The following SCP2 variants were observed in gnomAD, a reference collection of about 807,000 sequenced individuals.
SCP2 encodes sterol carrier protein 2, also known as SCP-2/3-oxoacyl-CoA thiolase.
In SCP2, 48 loss-of-function variants were observed where a neutral mutation model predicts 71.4. The ratio of observed to expected loss-of-function variants is 0.67; its 90% CI spans 0.53 to 0.86. The LOEUF (loss-of-function observed/expected upper bound fraction) is 0.86, where lower values mean the gene tolerates loss of function less well. Among genes scored for constraint, SCP2 ranks in the 40% least tolerant of loss-of-function variants. The pLI is 0.00. For synonymous variants in SCP2, 220 were observed against 218.1 expected (o/e 1.01, Z -0.08); for missense variants, 560 against 655.6 (o/e 0.85, Z 1.59).
Position 52,947,960 on chromosome 1 carries a change from A to G in SCP2, c.128-49A>G. 3 of 1,315,140 alleles carry G rather than the reference A, an allele frequency of 2.3e-6. No individual in the cohort carries two copies. The South Asian group carries it at 3.5e-5, about 15-fold the overall frequency. The allele number at this position is 1,315,140 out of a possible 1,614,324, so 81.5% of individuals were successfully genotyped here. ...CTCTAAACTTAATTTTCACTCTCCT[A>G]AAACAAATACTTAAAGCACTTTTTG... On this transcript the variant is annotated intron_variant, in intron 2 of 15. Transcript: ENST00000371514.
At chr1:52,950,074 T>C (rs1655151524) in intron 3 of SCP2, among the ~76,000 whole-genome samples, 1 of 152,166 alleles carries the variant, frequency 6.6e-6, no homozygotes, top group Non-Finnish European at 1.5e-5. Flanking sequence ...GAAAAGTAAA[T>C]CATGGCCTTT....
Position 52,978,667 on chromosome 1 carries a change from A to G in SCP2, c.825+300A>G, listed in dbSNP as rs115864035. ...AGCTTCCACATCCCAGGCTCAATCAATCCTCCCACTTCAGCCTCCCAAGTG... is the reference window on the plus strand; with the variant it reads ...AGCTTCCACATCCCAGGCTCAATCAGTCCTCCCACTTCAGCCTCCCAAGTG... On this transcript the variant is annotated intron_variant, in intron 9 of 15. Coordinates refer to ENST00000371514, the MANE Select transcript of SCP2 (RefSeq NM_002979.5). Among the ~76,000 whole-genome samples the G allele has an allele frequency of 5.6e-3, 855 of 152,198 alleles. 3 individuals carry two copies. The highest frequency in any genetic ancestry group is 7.6e-3 in the Non-Finnish European group (518 of 68,016).
chr1:52,982,759 A>C (rs12568646), intron 10 of SCP2, among the ~76,000 whole-genome samples: 1 of 152,018 alleles, frequency 6.6e-6, no homozygotes, highest in Admixed American at 6.5e-5. Flanking sequence ...TATAATTGTC[A>C]TATGTGTTAT....
At position 52,960,391 on chromosome 1, in the gene SCP2, G is replaced by A. The variant is rs185664326; in HGVS notation, c.397-1112G>A. Among the ~76,000 whole-genome samples the A allele has an allele frequency of 1.2e-3, 187 of 151,338 alleles. 1 individual carries two copies. Among genetic ancestry groups the A allele is most frequent in the African/African-American group, 4.0e-3 (166 of 41,226 alleles). On this transcript the variant is annotated intron_variant, in intron 5 of 15. Coordinates refer to ENST00000371514, the MANE Select transcript of SCP2 (RefSeq NM_002979.5). ...TTGCTATGTTGCCCATGCTGGTCTC[G>A]AACTCCTGGGCTCAGGTGGGCCTTC... is the stretch of plus-strand genomic sequence containing the variant.
At chr1:52,986,225 T>C (rs1367954312) in intron 10 of SCP2, among the ~76,000 whole-genome samples, 1 of 152,240 alleles carries the variant, frequency 6.6e-6, no homozygotes, top group Non-Finnish European at 1.5e-5. Flanking sequence ...TCAAGATAAC[T>C]TCCCTTTGGA....
intron 2 of SCP2, among the ~76,000 whole-genome samples, chr1:52,945,335 G>A (rs1271427973): frequency 1.3e-5 from 2 of 151,910 alleles, no homozygotes; most frequent in Admixed American, 6.6e-5. Flanking sequence ...ACAGGTACTC[G>A]CCACTGTGCA....
chr1:53,000,189 G>A (rs555482970), intron 11 of SCP2, among the ~76,000 whole-genome samples: 1 of 150,210 alleles, frequency 6.7e-6, no homozygotes, highest in African/African-American at 2.5e-5. Context: ...CAAGGCAGGA[G>A]GATAGCTTGA....
intron 13 of SCP2, among the ~76,000 whole-genome samples, chr1:53,030,150 A>G (rs1572211354): frequency 6.6e-6 from 1 of 152,240 alleles, no homozygotes; most frequent in East Asian, 1.9e-4. Context: ...GGCCTCCCAA[A>G]GTGCTGGGAT....
intron 13 of SCP2, among the ~76,000 whole-genome samples, chr1:53,032,669 T>C (rs1662636710): frequency 6.6e-6 from 1 of 152,192 alleles, no homozygotes; most frequent in Non-Finnish European, 1.5e-5. Flanking sequence ...TAGGATAATA[T>C]GTAAAGACAG....
intron 13 of SCP2, among the ~76,000 whole-genome samples, chr1:53,038,648 C>T (rs941201879): frequency 6.6e-6 from 1 of 151,974 alleles, no homozygotes; most frequent in Non-Finnish European, 1.5e-5. Flanking sequence ...CAAGTGATCC[C>T]CCCACCTCTG....
intron 1 of SCP2, among the ~76,000 whole-genome samples, chr1:52,927,913 G>A (rs1295882759): frequency 6.6e-6 from 1 of 152,034 alleles, no homozygotes; most frequent in East Asian, 1.9e-4. Flanking sequence ...GGCAGATTCC[G>A]GCCTCCCTCT....
chr1:52,989,975 T>C (rs902484239), intron 11 of SCP2, among the ~76,000 whole-genome samples: 1 of 152,090 alleles, frequency 6.6e-6, no homozygotes, highest in Non-Finnish European at 1.5e-5. Context: ...AAGGCTAAGG[T>C]AGAATTGTAA....
chr1:52,999,161 T>C (rs1283505436), intron 11 of SCP2, among the ~76,000 whole-genome samples: 4 of 152,254 alleles, frequency 2.6e-5, no homozygotes, highest in African/African-American at 4.8e-5. Context: ...TATTGAAAAG[T>C]AAATGTTTCC....
At chr1:52,989,199 T>G (rs975977156) in intron 11 of SCP2, among the ~76,000 whole-genome samples, 1 of 152,186 alleles carries the variant, frequency 6.6e-6, no homozygotes, top group East Asian at 1.9e-4. Flanking sequence ...TTCAAAGAAA[T>G]CTAAGAATTA....
At chr1:53,033,604 CAAAAA>C (rs59576285) in intron 13 of SCP2, among the ~76,000 whole-genome samples, 10 of 79,708 alleles carry the variant, frequency 1.3e-4, no homozygotes, top group Admixed American at 7.2e-4. Flanking sequence ...AACTCCATTT[CAAAAA>C]AAAAAAAAAA....
chr1:53,041,428 A>G (rs1350052845), intron 14 of SCP2, among the ~76,000 whole-genome samples: 1 of 152,044 alleles, frequency 6.6e-6, no homozygotes, highest in Non-Finnish European at 1.5e-5. Context: ...ATGACATGAT[A>G]GGAACTTTGA....
At position 52,967,583 on chromosome 1, in the gene SCP2, A is replaced by G. The variant is rs375998530; in HGVS notation, c.523+5954A>G. Among the ~76,000 whole-genome samples, 57 of 152,158 alleles carry G rather than the reference A, an allele frequency of 3.7e-4. No individual in the cohort carries two copies. In the South Asian group the frequency reaches 7.9e-3, roughly 21 times the overall value. Reference sequence around the variant, plus strand: ...AGTGGCACTATCTTGGCTCACTGCAACCTCCACTGTTGCTGTCAATTGCTA... The same window carrying G: ...AGTGGCACTATCTTGGCTCACTGCAGCCTCCACTGTTGCTGTCAATTGCTA... On this transcript the variant is annotated intron_variant, in intron 6 of 15. Transcript: ENST00000371514.
chr1:52,948,624 CAA>C (rs567151231), intron 3 of SCP2, among the ~76,000 whole-genome samples: 26 of 49,556 alleles, frequency 5.2e-4, no homozygotes, highest in Admixed American at 1.4e-3. Flanking sequence ...GACTCCATCT[CAA>C]AAAAAAAAAA....
In SCP2 at chr1:52,979,990, T is replaced by C. The variant is rs564186179; in HGVS notation, c.826-406T>C. 4.6e-4 allele frequency among the ~76,000 whole-genome samples: 70 copies of C among 151,984 alleles called. 1 individual carries two copies. Among genetic ancestry groups the C allele is most frequent in the Admixed American group, 4.4e-3 (67 of 15,228 alleles). The stretch of plus-strand genomic sequence containing the variant: ...CTTCTCTTCTTTTTTTGTTTCTTTT[T>C]TGAGACAGGATCTTGCTCTTTCATC... On this transcript the variant is annotated intron_variant, in intron 9 of 15. Coordinates refer to ENST00000371514, the MANE Select transcript of SCP2 (RefSeq NM_002979.5).
Sources: gnomAD v4.1 joint callset for allele counts (sites outside exome capture counted in the v4.1 genomes callset) on GRCh38, gnomAD v4.1.1 for gene constraint, MANE v1.5 for transcripts, NCBI Gene and HGNC (gene_info 2026-07-23, HGNC 2026-07-21) for gene names.